Variants in CCM2 observed in about 807,000 individuals in gnomAD.
The protein encoded by CCM2 is CCM2 scaffold protein.
CCM2 carries 25 observed loss-of-function variants against 44.9 expected under a neutral mutation model. The ratio of observed to expected loss-of-function variants is 0.56; its 90% CI spans 0.41 to 0.78. CCM2 has a LOEUF of 0.78. Among genes scored for constraint, CCM2 ranks in the 30% least tolerant of loss-of-function variants. CCM2 has a pLI of 0.00. For synonymous variants in CCM2, 219 were observed against 241.1 expected, an observed-to-expected ratio of 0.91 and a Z score of 0.85; for missense variants, 481 against 580.6, an observed-to-expected ratio of 0.83 and a Z score of 1.76.
At chr7:45,027,451 G>C (rs1021262195) in intron 1 of CCM2, 4 of 577,006 alleles carry the variant, frequency 6.9e-6, no homozygotes, top group Non-Finnish European at 1.2e-5. Flanking sequence ...GCTGCTTGTG[G>C]GGTTCGCGTG....
At chr7:45,028,996 C>A (rs1376915852) in intron 1 of CCM2, among the ~76,000 whole-genome samples, 2 of 152,132 alleles carry the variant, frequency 1.3e-5, no homozygotes, top group Admixed American at 1.3e-4. Context: ...GGGACTATAG[C>A]CTATCACTGT....
intron 1 of CCM2, among the ~76,000 whole-genome samples, chr7:45,031,396 A>G (rs936430003): frequency 2.6e-5 from 4 of 151,402 alleles, no homozygotes; most frequent in Non-Finnish European, 5.9e-5. Flanking sequence ...AAAAAAAAAA[A>G]AAAAAGAGGG....
At chr7:45,011,753 T>C (rs1796075335) in intron 1 of CCM2, among the ~76,000 whole-genome samples, 1 of 152,190 alleles carries the variant, frequency 6.6e-6, no homozygotes, top group African/African-American at 2.4e-5. Flanking sequence ...GGTTTCAATA[T>C]GTTGGCCAGG....
chr7:45,038,192 T>G (rs969280175), intron 1 of CCM2, 61 bp from the exon 2 acceptor site: 9 of 1,600,084 alleles, frequency 5.6e-6, no homozygotes, highest in Non-Finnish European at 7.7e-6. Flanking sequence ...TTGTTAACCA[T>G]AGGTACAACA....
intron 2 of CCM2, among the ~76,000 whole-genome samples, chr7:45,054,997 T>G (rs1798191809): frequency 6.6e-6 from 1 of 152,218 alleles, no homozygotes; most frequent in Non-Finnish European, 1.5e-5. Context: ...TATAAATATT[T>G]CACAGTGAAA....
intron 2 of CCM2, among the ~76,000 whole-genome samples, chr7:45,047,849 C>T (rs139645606): frequency 1.3e-5 from 2 of 151,972 alleles, no homozygotes; most frequent in African/African-American, 4.8e-5. Context: ...GTAAAGGGAG[C>T]GATGGATCTC....
In CCM2 at chr7:45,036,505, G is replaced by C. The variant is rs145570805; in HGVS notation, c.31-1748G>C. ...CTAATGCTGGAGAGCTGAGCATGAT[G>C]GTGGTGGTGGGGAGGGGCTCATACA... On this transcript the variant is annotated intron_variant, in intron 1 of 9. Coordinates refer to ENST00000258781, the MANE Select transcript of CCM2 (RefSeq NM_031443.4). Among the ~76,000 whole-genome samples, 1,230 of 152,258 alleles carry C rather than the reference G, an allele frequency of 8.1e-3. 5 individuals carry two copies. The highest frequency in any genetic ancestry group is 0.012 in the Non-Finnish European group (846 of 68,008).
At chr7:45,043,262 C>T (rs1256852293) in intron 2 of CCM2, among the ~76,000 whole-genome samples, 1 of 152,150 alleles carries the variant, frequency 6.6e-6, no homozygotes, top group Non-Finnish European at 1.5e-5. Flanking sequence ...AACCACTGCA[C>T]TTGGAATATT....
intron 2 of CCM2, among the ~76,000 whole-genome samples, chr7:45,048,506 A>G (rs1319586714): frequency 6.6e-6 from 1 of 152,218 alleles, no homozygotes; most frequent in Non-Finnish European, 1.5e-5. Flanking sequence ...ACCTTCATAA[A>G]GTAGAAACAT....
In CCM2 at chr7:45,038,365, C is replaced by G; in HGVS notation, c.143C>G (p.Ser48Ter). 1 of 1,614,180 alleles carries G rather than the reference C, an allele frequency of 6.2e-7. No individual in the cohort carries two copies. Among genetic ancestry groups the G allele is most frequent in the Non-Finnish European group, 8.5e-7 (1 of 1,180,042 alleles). Residue 48 changes from serine to a stop codon, truncating the protein, a stop_gained, in exon 2 of 10, where the codon TCA (serine) becomes TGA (stop). Coordinates refer to ENST00000258781, the MANE Select transcript of CCM2 (RefSeq NM_031443.4). LOFTEE classifies it high-confidence loss of function. ...ERRPLHTVVL[S>*]LPERVEPDRL... The stretch of plus-strand genomic sequence containing the variant: ...CGCCCTCTGCACACTGTGGTGTTGT[C>G]ATTGCCTGAGCGCGTCGAGCCAGAC...
At chr7:45,075,503 G>T (rs1003745812) in intron 9 of CCM2, among the ~76,000 whole-genome samples, 3 of 152,252 alleles carry the variant, frequency 2.0e-5, no homozygotes, top group Non-Finnish European at 4.4e-5. Flanking sequence ...CTGTGCTGGT[G>T]CCTTGAGGCC....
chr7:45,057,843 G>A (rs934057848), intron 2 of CCM2, among the ~76,000 whole-genome samples: 12 of 152,190 alleles, frequency 7.9e-5, no homozygotes, highest in African/African-American at 2.9e-4. Context: ...CTCACCTTAT[G>A]AAATATAAAA....
intron 1 of CCM2, among the ~76,000 whole-genome samples, chr7:45,014,057 G>A (rs1293397188): frequency 6.6e-6 from 1 of 152,052 alleles, no homozygotes. Context: ...TATTTATTTT[G>A]AAGCTCAAAT....
intron 1 of CCM2, among the ~76,000 whole-genome samples, chr7:45,000,744 G>A (rs960239217): frequency 5.9e-5 from 9 of 152,230 alleles, no homozygotes; most frequent in African/African-American, 2.2e-4. Context: ...ACTGGACTTC[G>A]TTTTTGGATA....
At chr7:44,999,798 CTGCTCCCGCGCG>C (rs1197689860), upstream of CCM2, 1 of 441,674 alleles carries the variant, frequency 2.3e-6, no homozygotes, top group Non-Finnish European at 4.5e-6. Context: ...AAAGTTGGAG[CTGCTCCCGCGCG>C]CGCTCCCGCG....
intron 8 of CCM2, chr7:45,073,880 C>T (rs569056526): frequency 1.9e-6 from 1 of 536,628 alleles, no homozygotes; most frequent in Non-Finnish European, 3.4e-6. Context: ...ACATTTTTAT[C>T]CTCCCCATCT....
chr7:45,028,653 G>A (rs1042944705), intron 1 of CCM2, among the ~76,000 whole-genome samples: 100 of 151,810 alleles, frequency 6.6e-4, no homozygotes, highest in African/African-American at 2.2e-3. Context: ...TGAAACTCCG[G>A]CTCAAAAAAA....
chr7:45,023,771 TGATAGCTCTGTATCAG>T (rs1796574319), intron 1 of CCM2, among the ~76,000 whole-genome samples: 1 of 150,534 alleles, frequency 6.6e-6, no homozygotes, highest in Admixed American at 6.6e-5. Context: ...GTCATTATTT[TGATAGCTCTGTATCAG>T]TTTTTTTTTT....
chr7:45,033,044 CAAAAAAAAAAAAAAAAA>C (rs60956411), intron 1 of CCM2, among the ~76,000 whole-genome samples: 1 of 58,062 alleles, frequency 1.7e-5, no homozygotes, highest in Non-Finnish European at 3.0e-5. Context: ...AACTCCGTCT[CAAAAAAAAAAAAAAAAA>C]AAAAAAAAAA....
Sources: gnomAD v4.1 joint callset for allele counts (sites outside exome capture counted in the v4.1 genomes callset) on GRCh38, gnomAD v4.1.1 for gene constraint, MANE v1.5 for transcripts, NCBI Gene and HGNC (gene_info 2026-07-23, HGNC 2026-07-21) for gene names.